The following ZXDC variants were observed in gnomAD, a reference collection of about 807,000 sequenced individuals.
The protein encoded by ZXDC is ZXD family zinc finger C.
In ZXDC, 58 loss-of-function variants were observed where a neutral mutation model predicts 63.6. That is an observed-to-expected ratio of 0.91 (90% CI 0.74 to 1.13). The LOEUF is 1.13. Among genes scored for constraint, ZXDC ranks in the 50% most tolerant of loss-of-function variants. The pLI, the probability that ZXDC is intolerant of heterozygous loss-of-function variation, is 0.00. For missense variants in ZXDC, 1,133 were observed against 1,148.9 expected, an observed-to-expected ratio of 0.99 and a Z score of 0.20; for synonymous variants, 561 against 496.1, an observed-to-expected ratio of 1.13 and a Z score of -1.74.
intron 7 of ZXDC, among the ~76,000 whole-genome samples, chr3:126,448,400 C>A (rs1200781638): frequency 2.0e-5 from 3 of 152,170 alleles, no homozygotes; most frequent in Non-Finnish European, 4.4e-5. Flanking sequence ...GACAAACCCA[C>A]AATAGATGAG....
intron 4 of ZXDC, among the ~76,000 whole-genome samples, chr3:126,467,314 T>C (rs371821307): frequency 0.15 from 5,798 of 38,162 alleles, 370 homozygotes; most frequent in African/African-American, 0.22. Context: ...AGTGTGGCCT[T>C]AGACAAATTA....
chr3:126,450,972 A>G (rs796101496), intron 7 of ZXDC: 5 of 242,284 alleles, frequency 2.1e-5, no homozygotes, highest in African/African-American at 1.2e-4. Context: ...ACAGGGAGGT[A>G]GGCACACACT....
chr3:126,462,256 G>T, intron 5 of ZXDC, 36 bp from the exon 6 acceptor site: 1 of 1,541,484 alleles, frequency 6.5e-7, no homozygotes, highest in South Asian at 1.2e-5. Flanking sequence ...GTTACTTTAT[G>T]ACCTTGAAGA....
Position 126,461,567 on chromosome 3 carries a change from C to G in ZXDC, c.2095G>C (p.Glu699Gln). 2 of 1,613,846 alleles carry G rather than the reference C, an allele frequency of 1.2e-6. No individual in the cohort carries two copies. The highest frequency in any genetic ancestry group is 1.7e-6 in the Non-Finnish European group (2 of 1,179,764). The change falls in exon 6 of 10, where the codon GAG becomes CAG. Residue 699 changes from glutamate to glutamine, a missense_variant. Glu to Gln is a conservative substitution (Grantham distance 29). Transcript: ENST00000389709. ...PAEQHGAQDT[E>Q]LSAGTGNFYL... Reference sequence around the variant, plus strand: ...AAGTTGCCAGTGCCTGCACTGAGCTCTGTGTCCTGGGCACCGTGCTGCTCT... The same window carrying G: ...AAGTTGCCAGTGCCTGCACTGAGCTGTGTGTCCTGGGCACCGTGCTGCTCT...
At position 126,441,949 on chromosome 3, in the gene ZXDC, A is replaced by T; in HGVS notation, c.2213-3T>A. On this transcript the variant is annotated splice_polypyrimidine_tract_variant and splice_region_variant and intron_variant, in intron 7 of 9. Coordinates refer to ENST00000389709, the MANE Select transcript of ZXDC (RefSeq NM_025112.5). ...TCTCTGAGTAGACTGTGAGGCTCCTAAAATGAAATATAAAAACGAGCACAC... is the reference window on the plus strand; with the variant it reads ...TCTCTGAGTAGACTGTGAGGCTCCTTAAATGAAATATAAAAACGAGCACAC... 6.3e-7 allele frequency: 1 copy of T among 1,587,522 alleles called. No individual in the cohort carries two copies. The highest frequency in any genetic ancestry group is 1.1e-5 in the South Asian group (1 of 87,504).
Position 126,461,846 on chromosome 3 carries a change from C to T in ZXDC, c.1816G>A (p.Ala606Thr). The T allele has an allele frequency of 1.2e-6, 2 of 1,614,190 alleles. No homozygotes were observed. The highest frequency in any genetic ancestry group is 2.2e-5 in the East Asian group (1 of 44,882). ...FSVDDVQTVS[A>T]GALGCLVALP... ...GCCACCAGACAGCCTAATGCTCCTG[C>T]ACTCACAGTCTGCACGTCATCCACA... The change falls in exon 6 of 10, where the codon GCA becomes ACA. Residue 606 changes from alanine to threonine, a missense_variant. Physicochemically the swap from Ala to Thr is moderately conservative, Grantham distance 58 (BLOSUM62 0). Coordinates refer to ENST00000389709, the MANE Select transcript of ZXDC (RefSeq NM_025112.5).
At chr3:126,455,238 G>T in intron 7 of ZXDC, 1 of 246,532 alleles carries the variant, frequency 4.1e-6, no homozygotes, top group Non-Finnish European at 6.5e-6. Flanking sequence ...AGTCTCATTT[G>T]ATCCCACTTA....
chr3:126,439,769 A>T, intron 8 of ZXDC, 42 bp from the exon 9 acceptor site: 1 of 1,536,228 alleles, frequency 6.5e-7, no homozygotes, highest in Non-Finnish European at 8.8e-7. Flanking sequence ...TGTCTGTGAG[A>T]GTGCAGCAAA....
intron 4 of ZXDC, among the ~76,000 whole-genome samples, chr3:126,467,528 A>G (rs62264718): frequency 0.013 from 1,971 of 152,318 alleles, 15 homozygotes; most frequent in East Asian, 0.046. Flanking sequence ...TGGAGGAGGG[A>G]TATTTTAAGG....
chr3:126,441,394 C>T (rs1182010017), intron 8 of ZXDC: 3 of 1,059,026 alleles, frequency 2.8e-6, no homozygotes, highest in Non-Finnish European at 3.4e-6. Flanking sequence ...TTTGCCCCAG[C>T]CCTGCAGAAG....
At chr3:126,466,695 G>A (rs1221544830) in intron 4 of ZXDC, among the ~76,000 whole-genome samples, 2 of 152,160 alleles carry the variant, frequency 1.3e-5, no homozygotes, top group African/African-American at 4.8e-5. Flanking sequence ...TCTCGATTAA[G>A]CTATTATCAT....
intron 4 of ZXDC, among the ~76,000 whole-genome samples, chr3:126,469,045 C>A (rs1423505470): frequency 6.6e-6 from 1 of 152,222 alleles, no homozygotes; most frequent in Non-Finnish European, 1.5e-5. Flanking sequence ...CCAATCCAGC[C>A]TTCTCAACAA....
At chr3:126,451,703 G>A (rs1018153795) in intron 7 of ZXDC, 23 of 985,192 alleles carry the variant, frequency 2.3e-5, no homozygotes, top group East Asian at 1.1e-4. Context: ...TGTCTCGCTC[G>A]TTGCCATCCT....
chr3:126,454,075 T>G, intron 7 of ZXDC: 1 of 862,636 alleles, frequency 1.2e-6, no homozygotes. Context: ...TTTTTTTTTT[T>G]GGTAAAGACT....
chr3:126,451,251 G>A (rs895172968), intron 7 of ZXDC: 31 of 985,232 alleles, frequency 3.1e-5, no homozygotes, highest in Non-Finnish European at 3.7e-5. Flanking sequence ...ATGCATATGT[G>A]TACTACTGCT....
rs2107663333 is a variant in ZXDC, at chr3:126,475,012, G to A, written c.854C>T (p.Ser285Phe). The change falls in exon 1 of 10, where the codon TCC (serine) becomes TTC (phenylalanine). Residue 285 changes from serine (S) to phenylalanine (F), a missense_variant. Physicochemically the swap from Ser to Phe is radical, Grantham distance 155. Transcript: ENST00000389709. ...GGGCTCGAAGTGGCTGCGCTGGTGG[G>A]AGCTGAGCTTGGCGTGCGTGGGGAA... is the stretch of plus-strand genomic sequence containing the variant. ...ERFPTHAKLSSHQRSHFEPER... is the reference protein window; with the variant it reads ...ERFPTHAKLSFHQRSHFEPER... The A allele has an allele frequency of 6.3e-7, 1 of 1,597,068 alleles. No individual in the cohort carries two copies. Among genetic ancestry groups the A allele is most frequent in the African/African-American group, 1.3e-5 (1 of 74,806 alleles).
chr3:126,466,417 C>G, intron 4 of ZXDC, 92 bp from the exon 5 acceptor site: 1 of 1,463,370 alleles, frequency 6.8e-7, no homozygotes, highest in Non-Finnish European at 9.4e-7. Flanking sequence ...AACCACCAGA[C>G]CTGCATTTTG....
Position 126,462,126 on chromosome 3 carries a change from A to AG in ZXDC, c.1535dup (p.Ala513CysfsTer5). The AG allele has an allele frequency of 6.2e-7, 1 of 1,613,878 alleles. No homozygotes were observed. The highest frequency in any genetic ancestry group is 8.5e-7 in the Non-Finnish European group (1 of 1,180,036). ...TGGCAGGTGTGTCAGAGAAGAGTGC[A>AG]GCAAGATCCATGTTAGTGAGCTCAC... is the stretch of plus-strand genomic sequence containing the variant. On this transcript the variant is annotated frameshift_variant, in exon 6 of 10. Transcript: ENST00000389709. LOFTEE classifies it high-confidence loss of function.
intron 7 of ZXDC, chr3:126,451,681 A>G (rs999593396): frequency 2.0e-6 from 2 of 985,246 alleles, no homozygotes; most frequent in Non-Finnish European, 2.4e-6. Flanking sequence ...CCTTGTGAGC[A>G]CCAACCGGCT....
Sources: gnomAD v4.1 joint callset for allele counts (sites outside exome capture counted in the v4.1 genomes callset) on GRCh38, gnomAD v4.1.1 for gene constraint, MANE v1.5 for transcripts, NCBI Gene and HGNC (gene_info 2026-07-23, HGNC 2026-07-21) for gene names.